The following DNAJA3 variants were observed in gnomAD, a reference collection of about 807,000 sequenced individuals.
DNAJA3 encodes DnaJ heat shock protein family (Hsp40) member A3, also known as dnaJ homolog subfamily A member 3, mitochondrial.
Under a neutral mutation model 54.9 loss-of-function variants are expected in DNAJA3, and 29 were observed. That is an observed-to-expected ratio of 0.53 (90% CI 0.39 to 0.72). DNAJA3 has a LOEUF of 0.72. Ranked by LOEUF, DNAJA3 falls within the 30% of genes least tolerant of loss-of-function variation. The pLI is 0.00. For synonymous variants in DNAJA3, 302 were observed against 251.4 expected (o/e 1.20, Z -1.90); for missense variants, 708 against 639.4 (o/e 1.11, Z -1.16).
intron 1 of DNAJA3, chr16:4,433,817 A>G (rs749938199): frequency 2.6e-5 from 4 of 153,156 alleles, no homozygotes; most frequent in African/African-American, 9.7e-5. Flanking sequence ...ATAAGCGAGG[A>G]GAATCAGCCT....
At position 4,447,357 on chromosome 16, in the gene DNAJA3, C is replaced by T. The variant is rs555341655; in HGVS notation, c.1125+343C>T. 4.7e-5 allele frequency: 11 copies of T among 234,266 alleles called. No homozygotes were observed. In the East Asian group the frequency reaches 1.2e-3, roughly 25 times the overall value. 14.5% of individuals were successfully genotyped at this position (234,266 alleles called of 1,614,324 possible). ...TGTCTGGCTCCAAGAGCAGAAGACTCGGGCGGTGCATATCCCTTTTGCCAC... is the reference window on the plus strand; with the variant it reads ...TGTCTGGCTCCAAGAGCAGAAGACTTGGGCGGTGCATATCCCTTTTGCCAC... On this transcript the variant is annotated intron_variant, in intron 8 of 11. Coordinates refer to ENST00000262375, the MANE Select transcript of DNAJA3 (RefSeq NM_005147.6).
intron 2 of DNAJA3, among the ~76,000 whole-genome samples, chr16:4,437,137 A>T (rs1415858640): frequency 4.0e-5 from 6 of 151,822 alleles, no homozygotes; most frequent in Non-Finnish European, 8.8e-5. Flanking sequence ...CGCCTGACTA[A>T]TTTTTTCTAT....
chr16:4,432,337 TTTTTTTTTTC>T (rs201118194), intron 1 of DNAJA3, among the ~76,000 whole-genome samples: 86,913 of 143,082 alleles, frequency 0.61, 27,807 homozygotes, highest in Non-Finnish European at 0.72. Context: ...TTTTCTTTCT[TTTTTTTTTTC>T]TTTTTTTTTT....
chr16:4,454,418 C>T (rs2057011968), intron 10 of DNAJA3, among the ~76,000 whole-genome samples: 1 of 152,200 alleles, frequency 6.6e-6, no homozygotes, highest in Non-Finnish European at 1.5e-5. Flanking sequence ...TCTGTGCCTC[C>T]TTTTTTTGTT....
At chr16:4,426,149 C>G (rs2056619639) in intron 1 of DNAJA3, 57 bp downstream of exon 1, 1 of 1,455,584 alleles carries the variant, frequency 6.9e-7, no homozygotes, top group African/African-American at 1.5e-5. Flanking sequence ...AAGAGTGAGT[C>G]TCCTCGCTGT....
intron 2 of DNAJA3, among the ~76,000 whole-genome samples, chr16:4,435,995 C>T (rs1352073639): frequency 6.6e-6 from 1 of 152,236 alleles, no homozygotes; most frequent in African/African-American, 2.4e-5. Flanking sequence ...CTATTATCGT[C>T]TGTCTTTTTA....
At position 4,442,429 on chromosome 16, in the gene DNAJA3, C is replaced by T. The variant is rs764478471; in HGVS notation, c.783+9C>T. 1 of 1,580,318 alleles carries T rather than the reference C, an allele frequency of 6.3e-7. No homozygotes were observed. Among genetic ancestry groups the T allele is most frequent in the African/African-American group, 1.4e-5 (1 of 73,736 alleles). On this transcript the variant is annotated intron_variant, in intron 5 of 11. Coordinates refer to ENST00000262375, the MANE Select transcript of DNAJA3 (RefSeq NM_005147.6). ...GTGGCGGCTCCGGCATGGTAAGGCT[C>T]TGCCCGAGACTCCACCTCCCACGGC...
At chr16:4,427,021 G>C (rs1567320306) in intron 1 of DNAJA3, 2 of 152,036 alleles carry the variant, frequency 1.3e-5, no homozygotes, top group Non-Finnish European at 2.9e-5. Flanking sequence ...GGGTTCAAGA[G>C]ATTATCCTGC....
chr16:4,444,597 G>A, intron 6 of DNAJA3, 67 bp from the exon 7 acceptor site: 1 of 1,424,848 alleles, frequency 7.0e-7, no homozygotes, highest in Non-Finnish European at 9.9e-7. Flanking sequence ...GCCTCCCAAA[G>A]TGCTGGGATT....
rs745793971 is a variant in DNAJA3 at position 4,446,934 on chromosome 16, G to T, written c.1045G>T (p.Asp349Tyr). Residue 349 changes from aspartate to tyrosine, a missense_variant, in exon 8 of 12, where the codon GAC (aspartate) becomes TAC (tyrosine). By Grantham distance (160) the Asp-to-Tyr change is radical. Coordinates refer to ENST00000262375, the MANE Select transcript of DNAJA3 (RefSeq NM_005147.6). ...FRRDGADIHSDLFISIAQALL... is the reference protein window; with the variant it reads ...FRRDGADIHSYLFISIAQALL... Reference sequence around the variant, plus strand: ...GAGGGACGGCGCAGACATCCACTCCGACCTCTTTATTTCTATAGCTCAGGC... The same window carrying T: ...GAGGGACGGCGCAGACATCCACTCCTACCTCTTTATTTCTATAGCTCAGGC... The T allele has an allele frequency of 1.2e-6, 2 of 1,614,130 alleles. No individual in the cohort carries two copies. The highest frequency in any genetic ancestry group is 1.7e-6 in the Non-Finnish European group (2 of 1,180,032).
At chr16:4,447,863 A>C (rs1319430859) in intron 8 of DNAJA3, 12 of 148,296 alleles carry the variant, frequency 8.1e-5, no homozygotes, top group Admixed American at 2.0e-4. Flanking sequence ...GGTGCACGCC[A>C]CCACACCTGG....
intron 1 of DNAJA3, chr16:4,431,112 T>C (rs921468661): frequency 6.6e-6 from 1 of 152,166 alleles, no homozygotes; most frequent in Non-Finnish European, 1.5e-5. Flanking sequence ...CATGCAGTTT[T>C]GTGCGTTACT....
intron 11 of DNAJA3, 37 bp from the exon 12 acceptor site, chr16:4,455,509 G>T (rs945184524): frequency 3.2e-6 from 5 of 1,551,082 alleles, no homozygotes; most frequent in Middle Eastern, 1.7e-4. Flanking sequence ...CCCTTGAAAT[G>T]TTGAGTATAA....
Position 4,425,910 on chromosome 16 carries a change from T to G in DNAJA3, c.29T>G (p.Leu10Trp), listed in dbSNP as rs200324271. ...GCTGCGCGGTGCTCCACACGCTGGT[T>G]GCTGGTGGTTGTGGGGACCCCGCGG... The part of the protein sequence containing the change: MAARCSTRW[L>W]LVVVGTPRLP... Residue 10 changes from leucine (L) to tryptophan (W), a missense_variant, in exon 1 of 12, where the codon TTG becomes TGG. Leu to Trp is a moderately conservative substitution (Grantham distance 61). Transcript: ENST00000262375. The G allele has an allele frequency of 1.3e-4, 195 of 1,545,470 alleles. No individual in the cohort carries two copies. In the African/African-American group the frequency reaches 2.4e-3, roughly 19 times the overall value.
chr16:4,455,401 T>G (rs1842479141), intron 11 of DNAJA3, 145 bp from the exon 12 acceptor site: 1 of 877,048 alleles, frequency 1.1e-6, no homozygotes, highest in Non-Finnish European at 1.8e-6. Flanking sequence ...GGGACCCACT[T>G]TGGTTTATTA....
intron 10 of DNAJA3, among the ~76,000 whole-genome samples, chr16:4,454,246 A>G (rs1015977700): frequency 2.0e-5 from 3 of 152,176 alleles, no homozygotes; most frequent in South Asian, 4.1e-4. Flanking sequence ...GAATCTGGCC[A>G]GTTGGTCTAG....
chr16:4,448,295 G>A (rs2056929765), intron 8 of DNAJA3, among the ~76,000 whole-genome samples: 1 of 150,656 alleles, frequency 6.6e-6, no homozygotes, highest in African/African-American at 2.4e-5. Flanking sequence ...AAAGTGCTGG[G>A]ATTACAGGCA....
Position 4,455,564 on chromosome 16 carries a change from A to G in DNAJA3, c.*32A>G. On this transcript the variant is annotated 3_prime_UTR_variant, in exon 12 of 12. Coordinates refer to ENST00000262375, the MANE Select transcript of DNAJA3 (RefSeq NM_005147.6). Reference sequence around the variant, plus strand: ...GGCTCAGGAAAAAGATCCACTGGAAACTAGGCCGGGAAGCAGCAGCCCCTC... The same window carrying G: ...GGCTCAGGAAAAAGATCCACTGGAAGCTAGGCCGGGAAGCAGCAGCCCCTC... 4 of 1,551,790 alleles carry G rather than the reference A, an allele frequency of 2.6e-6. No homozygotes were observed. Among genetic ancestry groups the G allele is most frequent in the Non-Finnish European group, 2.6e-6 (3 of 1,146,984 alleles).
Position 4,432,692 on chromosome 16 carries a change from T to G in DNAJA3, c.212-1692T>G, listed in dbSNP as rs578034776. Among the ~76,000 whole-genome samples, 4 of 152,006 alleles carry G rather than the reference T, an allele frequency of 2.6e-5. No homozygotes were observed. In the South Asian group the frequency reaches 6.2e-4, roughly 24 times the overall value. On this transcript the variant is annotated intron_variant, in intron 1 of 11. Coordinates refer to ENST00000262375, the MANE Select transcript of DNAJA3 (RefSeq NM_005147.6). Reference sequence around the variant, plus strand: ...TTCATCTATTAAAACACCTCCAGTCTGGGCGTGGTGGCACACGCCTGTAGT... The same window carrying G: ...TTCATCTATTAAAACACCTCCAGTCGGGGCGTGGTGGCACACGCCTGTAGT...
Sources: allele counts gnomAD v4.1 joint callset (sites outside exome capture counted in the v4.1 genomes callset), GRCh38; gene constraint gnomAD v4.1.1; transcripts MANE v1.5; gene names NCBI Gene and HGNC (gene_info 2026-07-23, HGNC 2026-07-21).